GTF2IRD1: variants seen among roughly 807,000 people sequenced by gnomAD.
GTF2IRD1 encodes general transcription factor II-I repeat domain-containing protein 1.
A neutral mutation model predicts 113.2 loss-of-function variants in GTF2IRD1; 26 were observed. That is an observed-to-expected ratio of 0.23 (90% CI 0.17 to 0.32). The LOEUF is 0.32. Ranked by LOEUF, GTF2IRD1 falls within the 10% of genes least tolerant of loss-of-function variation. The probability of loss-of-function intolerance (pLI) is 1.00; values close to 1 mark genes in which losing one functional copy is unlikely to be tolerated. For synonymous variants in GTF2IRD1, 484 were observed against 529.1 expected (o/e 0.91, Z 1.17); for missense variants, 864 against 1,280.8 (o/e 0.67, Z 4.97).
At chr7:74,463,721 G>GTT (rs1340391318) in intron 1 of GTF2IRD1, among the ~76,000 whole-genome samples, 3 of 149,692 alleles carry the variant, frequency 2.0e-5, no homozygotes, top group African/African-American at 7.4e-5. Context: ...GACCACTGTT[G>GTT]TTTTTTGTTT....
In GTF2IRD1 at chr7:74,555,225, T is replaced by C; in HGVS notation, c.1966+2T>C. 6.2e-7 allele frequency: 1 copy of C among 1,613,242 alleles called. No individual in the cohort carries two copies. ...AAGAGCCCATCATGGATAGTCAAGG[T>C]ACCCAGCGCGGGGTCGGGAGCCATG... On this transcript the variant is annotated splice_donor_variant, in intron 18 of 26. Transcript: ENST00000424337. LOFTEE classifies it high-confidence loss of function. The surrounding 1 kb of genome is among the most constrained non-coding windows in gnomAD (Gnocchi z 5.3).
intron 17 of GTF2IRD1, among the ~76,000 whole-genome samples, chr7:74,549,711 G>A (rs1462388776): frequency 1.3e-5 from 2 of 152,040 alleles, no homozygotes; most frequent in Non-Finnish European, 2.9e-5. Context: ...GCTGAGGTGG[G>A]CAGATCACTT....
At chr7:74,544,619 C>A in intron 14 of GTF2IRD1, 136 bp from the exon 15 acceptor site, 1 of 722,312 alleles carries the variant, frequency 1.4e-6, no homozygotes, top group Non-Finnish European at 2.4e-6. Flanking sequence ...GGTCCCTGAT[C>A]CCATTGGAGT....
intron 22 of GTF2IRD1, among the ~76,000 whole-genome samples, chr7:74,567,784 C>CT (rs201535943): frequency 1.3e-5 from 2 of 151,618 alleles, no homozygotes; most frequent in Non-Finnish European, 2.9e-5. Flanking sequence ...AGAGGGCTTT[C>CT]TTTTTTTTGG....
intron 17 of GTF2IRD1, among the ~76,000 whole-genome samples, chr7:74,550,645 C>T (rs868916145): frequency 6.6e-6 from 1 of 151,724 alleles, no homozygotes; most frequent in Admixed American, 6.6e-5. Flanking sequence ...TGATGGCTCA[C>T]GCCTGTAATC....
chr7:74,572,553 T>A, intron 22 of GTF2IRD1: 1 of 982,140 alleles, frequency 1.0e-6, no homozygotes, highest in Non-Finnish European at 1.2e-6. Flanking sequence ...TTTGACGTGA[T>A]ACAGAACAAG....
In GTF2IRD1 at chr7:74,589,832, C is replaced by T; in HGVS notation, c.2321-19C>T. The T allele has an allele frequency of 6.4e-7, 1 of 1,560,594 alleles. No homozygotes were observed. Among genetic ancestry groups the T allele is most frequent in the Non-Finnish European group, 8.8e-7 (1 of 1,131,536 alleles). ...TAAGCTGGTGCCAACTCTCATGCCC[C>T]CTTGTCTTCCTCTTGTAGATGAAGA... On this transcript the variant is annotated intron_variant, in intron 22 of 26. Transcript: ENST00000424337.
At chr7:74,468,604 A>G (rs1229099740) in intron 1 of GTF2IRD1, among the ~76,000 whole-genome samples, 1 of 148,676 alleles carries the variant, frequency 6.7e-6, no homozygotes, top group African/African-American at 2.5e-5. Flanking sequence ...GGTTGCAGTG[A>G]GCCAAGACTG....
chr7:74,466,508 A>G (rs1793718996), intron 1 of GTF2IRD1, among the ~76,000 whole-genome samples: 1 of 152,112 alleles, frequency 6.6e-6, no homozygotes, highest in South Asian at 2.1e-4. Flanking sequence ...GATGAGCCTC[A>G]TCGTTTCTAA....
chr7:74,518,448 A>C, intron 5 of GTF2IRD1, 126 bp downstream of exon 5: 1 of 696,624 alleles, frequency 1.4e-6, no homozygotes, highest in Admixed American at 3.0e-5. Context: ...CCTGGTGGTG[A>C]AAGCTCCCAG....
At chr7:74,517,464 G>A (rs587770009) in intron 4 of GTF2IRD1, among the ~76,000 whole-genome samples, 2 of 104,532 alleles carry the variant, frequency 1.9e-5, no homozygotes, top group African/African-American at 4.1e-5. Context: ...ATGGATTCTC[G>A]TTCTGTTACC....
rs141214839 is a variant in GTF2IRD1 at position 74,580,321 on chromosome 7, G to A, written c.2321-9530G>A. On this transcript the variant is annotated intron_variant, in intron 22 of 26. Coordinates refer to ENST00000424337, the MANE Select transcript of GTF2IRD1 (RefSeq NM_005685.4). ...TTATCCCACGCTTCTGCTACAGATC[G>A]CAGTCTCTCCCCTCTAAACCGCCCT... 6.5e-3 allele frequency among the ~76,000 whole-genome samples: 984 copies of A among 152,186 alleles called. 10 individuals carry two copies. The highest frequency in any genetic ancestry group is 7.8e-3 in the Non-Finnish European group (529 of 67,990).
chr7:74,493,285 T>A (rs1313139568), intron 1 of GTF2IRD1, among the ~76,000 whole-genome samples: 1 of 151,614 alleles, frequency 6.6e-6, no homozygotes, highest in African/African-American at 2.4e-5. Context: ...AATTTTTTTT[T>A]ATTTTTTGTA....
chr7:74,489,097 G>A (rs549966625), intron 1 of GTF2IRD1, among the ~76,000 whole-genome samples: 24 of 151,764 alleles, frequency 1.6e-4, no homozygotes, highest in African/African-American at 5.3e-4. Flanking sequence ...AGCCAAGATC[G>A]TGCCACTGCA....
intron 14 of GTF2IRD1, among the ~76,000 whole-genome samples, chr7:74,543,489 C>T (rs1242650094): frequency 2.0e-5 from 3 of 152,080 alleles, no homozygotes; most frequent in African/African-American, 7.2e-5. Context: ...CACAAAACAA[C>T]AACAAAAAAA....
intron 23 of GTF2IRD1, 147 bp from the exon 24 acceptor site, chr7:74,590,678 A>T: frequency 4.0e-6 from 2 of 497,218 alleles, no homozygotes; most frequent in South Asian, 8.2e-5. Flanking sequence ...GGCGTGAGCC[A>T]CTGCGCCCCA....
chr7:74,557,311 CG>C (rs1799659285), intron 19 of GTF2IRD1, among the ~76,000 whole-genome samples: 1 of 152,170 alleles, frequency 6.6e-6, no homozygotes, highest in Non-Finnish European at 1.5e-5. Context: ...ATGAAGCCCC[CG>C]CCCCCTGCCT....
chr7:74,586,943 C>T (rs369343801), intron 22 of GTF2IRD1, among the ~76,000 whole-genome samples: 5 of 151,828 alleles, frequency 3.3e-5, no homozygotes, highest in South Asian at 2.1e-4. Flanking sequence ...CTTAGGAGTT[C>T]GAGAACAGCC....
At chr7:74,547,522 C>T (rs1414323231) in intron 17 of GTF2IRD1, among the ~76,000 whole-genome samples, 1 of 146,050 alleles carries the variant, frequency 6.8e-6, no homozygotes, top group Non-Finnish European at 1.5e-5. Context: ...CTCACTGCAA[C>T]CTCCGCTCTG....
Sources: allele counts gnomAD v4.1 joint callset (sites outside exome capture counted in the v4.1 genomes callset), GRCh38; gene constraint gnomAD v4.1.1; non-coding constraint Gnocchi (gnomAD v3.1); transcripts MANE v1.5; gene names NCBI Gene and HGNC (gene_info 2026-07-23, HGNC 2026-07-21).